The following DERA variants were observed in gnomAD, a reference collection of about 807,000 sequenced individuals.
The protein encoded by DERA is deoxyribose-phosphate aldolase.
In DERA, 15 loss-of-function variants were observed where a neutral mutation model predicts 41.1. The observed-to-expected ratio is 0.37, with a 90% confidence interval of 0.24 to 0.56. The LOEUF is 0.56. DERA is among the 20% of genes least tolerant of loss of function. DERA has a pLI of 0.81. For synonymous variants in DERA, 139 were observed against 137.4 expected (o/e 1.01, Z -0.08); for missense variants, 396 against 403.4 (o/e 0.98, Z 0.16).
chr12:15,919,415 C>T (rs1431187092), intron 1 of DERA, among the ~76,000 whole-genome samples: 1 of 152,186 alleles, frequency 6.6e-6, no homozygotes, highest in Non-Finnish European at 1.5e-5. Flanking sequence ...GCGATTTAAA[C>T]ATGTCACCAG....
chr12:16,033,581 T>TTGTA (rs1555160591), intron 7 of DERA, among the ~76,000 whole-genome samples: 1 of 127,662 alleles, frequency 7.8e-6, no homozygotes, highest in Non-Finnish European at 1.6e-5. Flanking sequence ...GAGAGCAAGG[T>TTGTA]TGTGTGTGTG....
chr12:15,956,928 T>C lies in DERA; in HGVS notation c.32-8T>C, dbSNP rs1300956245. The stretch of plus-strand genomic sequence containing the variant: ...AGGTTTCAGAAAGTGTTTTTCTGTC[T>C]GTTTTAGACCTTAGCTGGATCTCCA... On this transcript the variant is annotated splice_polypyrimidine_tract_variant and splice_region_variant and intron_variant, in intron 1 of 8. Transcript: ENST00000428559. The C allele has an allele frequency of 6.2e-7, 1 of 1,610,378 alleles. No homozygotes were observed. The highest frequency in any genetic ancestry group is 2.2e-5 in the East Asian group (1 of 44,856).
chr12:15,948,445 A>G (rs966739438), intron 1 of DERA, among the ~76,000 whole-genome samples: 2 of 152,002 alleles, frequency 1.3e-5, no homozygotes, highest in South Asian at 2.1e-4. Flanking sequence ...CATTTCATAC[A>G]TTTGATCTTG....
At chr12:16,027,814 G>A (rs1949062989) in intron 6 of DERA, among the ~76,000 whole-genome samples, 1 of 151,818 alleles carries the variant, frequency 6.6e-6, no homozygotes, top group South Asian at 2.1e-4. Flanking sequence ...TTACAAACAT[G>A]ATCGTAGAAA....
At chr12:15,963,101 C>T (rs1278744744) in intron 5 of DERA, among the ~76,000 whole-genome samples, 154 bp downstream of exon 5, 1 of 152,200 alleles carries the variant, frequency 6.6e-6, no homozygotes, top group Non-Finnish European at 1.5e-5. Context: ...TAAGATTACC[C>T]ATCCTTGTGC....
chr12:16,022,396 C>A (rs1949022427), intron 6 of DERA, among the ~76,000 whole-genome samples: 1 of 152,166 alleles, frequency 6.6e-6, no homozygotes, highest in East Asian at 1.9e-4. Flanking sequence ...AATTAAACTT[C>A]TTTTCTTTAT....
At position 16,020,351 on chromosome 12, in the gene DERA, C is replaced by T. The variant is rs1051169018; in HGVS notation, c.638-12191C>T. ...TCATATTAACTCACTATTGCGAGAACAGCACGAAAGGGGAAATCTACCCCC... is the reference window on the plus strand; with the variant it reads ...TCATATTAACTCACTATTGCGAGAATAGCACGAAAGGGGAAATCTACCCCC... On this transcript the variant is annotated intron_variant, in intron 6 of 8. Transcript: ENST00000428559. The surrounding 1 kb of genome is among the most constrained non-coding windows in gnomAD (Gnocchi z 5.5). Among the ~76,000 whole-genome samples the T allele has an allele frequency of 2.6e-5, 4 of 152,216 alleles. No homozygotes were observed. The highest frequency in any genetic ancestry group is 6.8e-3 in the Middle Eastern group (2 of 294).
Position 15,985,426 on chromosome 12 carries a change from C to G in DERA, c.637+2990C>G, listed in dbSNP as rs1325189340. 1 of 152,112 alleles carries G rather than the reference C, an allele frequency of 6.6e-6. No homozygotes were observed. Among genetic ancestry groups the G allele is most frequent in the African/African-American group, 2.4e-5 (1 of 41,422 alleles). The allele number at this position is 152,112 out of a possible 1,614,324, so 9.4% of individuals were successfully genotyped here. ...ATATCTGTGGGATCTGTAGTTATAT[C>G]TCTTTCTTTATTCTTGATATTGGTC... On this transcript the variant is annotated intron_variant, in intron 6 of 8. Coordinates refer to ENST00000428559, the MANE Select transcript of DERA (RefSeq NM_015954.4). This position sits in a 1 kb window ranked among gnomAD's most constrained non-coding sequence, Gnocchi z 4.2.
intron 7 of DERA, among the ~76,000 whole-genome samples, chr12:16,034,771 ATAAACT>A (rs1394781133): frequency 6.6e-6 from 1 of 151,758 alleles, no homozygotes; most frequent in Non-Finnish European, 1.5e-5. Flanking sequence ...AAAAAAAAAG[ATAAACT>A]TATGTTAGAA....
rs1434785925 is a variant in DERA, at chr12:16,004,880, G to A, written c.637+22444G>A. 6.6e-6 allele frequency among the ~76,000 whole-genome samples: 1 copy of A among 152,136 alleles called. No individual in the cohort carries two copies. The highest frequency in any genetic ancestry group is 1.5e-5 in the Non-Finnish European group (1 of 68,012). On this transcript the variant is annotated intron_variant, in intron 6 of 8. Transcript: ENST00000428559. This position sits in a 1 kb window ranked among gnomAD's most constrained non-coding sequence, Gnocchi z 4.2. ...ATATGTGTGTTTCCTAGTTCAAGGA[G>A]TTAGAAAACTTTTGATAATTTAATG...
intron 6 of DERA, among the ~76,000 whole-genome samples, chr12:16,007,196 T>G (rs1402550086): frequency 6.6e-6 from 1 of 150,886 alleles, no homozygotes; most frequent in Admixed American, 6.6e-5. Context: ...TTTGTTTTTT[T>G]TTTTTGAGAC....
Position 16,026,338 on chromosome 12 carries a change from G to A in DERA, c.638-6204G>A, listed in dbSNP as rs1228239973. On this transcript the variant is annotated intron_variant, in intron 6 of 8. Coordinates refer to ENST00000428559, the MANE Select transcript of DERA (RefSeq NM_015954.4). The surrounding 1 kb of genome is among the most constrained non-coding windows in gnomAD (Gnocchi z 4.4). ...AGAAAAGACATAAATTACCCATATC[G>A]GAAATGAAAGAAGGGTCATCTCCTC... Among the ~76,000 whole-genome samples, 6 of 150,808 alleles carry A rather than the reference G, an allele frequency of 4.0e-5. No individual in the cohort carries two copies. Among genetic ancestry groups the A allele is most frequent in the Non-Finnish European group, 7.4e-5 (5 of 67,712 alleles).
Position 16,019,535 on chromosome 12 carries a change from A to G in DERA, c.638-13007A>G, listed in dbSNP as rs1430208330. Among the ~76,000 whole-genome samples the G allele has an allele frequency of 6.6e-6, 1 of 152,202 alleles. No individual in the cohort carries two copies. Among genetic ancestry groups the G allele is most frequent in the Middle Eastern group, 3.2e-3 (1 of 316 alleles). On this transcript the variant is annotated intron_variant, in intron 6 of 8. Coordinates refer to ENST00000428559, the MANE Select transcript of DERA (RefSeq NM_015954.4). This position sits in a 1 kb window ranked among gnomAD's most constrained non-coding sequence, Gnocchi z 4.4. Reference sequence around the variant, plus strand: ...AACATACATTCATATATCTGTGTATATGTCCCTCCTCCCACCTCACCTCCA... The same window carrying G: ...AACATACATTCATATATCTGTGTATGTGTCCCTCCTCCCACCTCACCTCCA...
At position 15,958,249 on chromosome 12, in the gene DERA, C is replaced by G. The variant is rs778354823; in HGVS notation, c.191C>G (p.Thr64Arg). 2.5e-6 allele frequency: 4 copies of G among 1,594,562 alleles called. No individual in the cohort carries two copies. The East Asian group carries it at 9.0e-5, about 36-fold the overall frequency. Residue 64 changes from threonine to arginine, a missense_variant, in exon 3 of 9, where the codon ACA becomes AGA. Coordinates refer to ENST00000428559, the MANE Select transcript of DERA (RefSeq NM_015954.4). ...CTTACTACACTTTCAGGTGATGATACATCTTCCAACATTCAAAGGCTCTGT... is the reference window on the plus strand; with the variant it reads ...CTTACTACACTTTCAGGTGATGATAGATCTTCCAACATTCAAAGGCTCTGT... The part of the protein sequence containing the change: ...IDLTTLSGDD[T>R]SSNIQRLCYK...
At position 16,001,109 on chromosome 12, in the gene DERA, C is replaced by T. The variant is rs557749367; in HGVS notation, c.637+18673C>T. ...ATCATTTTCATTTTCTGTCCATAAA[C>T]GCATACCCAGGCAGAGCTGATACTC... On this transcript the variant is annotated intron_variant, in intron 6 of 8. Transcript: ENST00000428559. This position sits in a 1 kb window ranked among gnomAD's most constrained non-coding sequence, Gnocchi z 4.1. Among the ~76,000 whole-genome samples the T allele has an allele frequency of 2.6e-5, 4 of 152,244 alleles. No homozygotes were observed. The highest frequency in any genetic ancestry group is 2.0e-4 in the Admixed American group (3 of 15,294).
Position 15,970,521 on chromosome 12 carries a change from A to G in DERA, c.508+7574A>G, listed in dbSNP as rs1948652518. Among the ~76,000 whole-genome samples the G allele has an allele frequency of 6.6e-6, 1 of 152,160 alleles. No individual in the cohort carries two copies. The highest frequency in any genetic ancestry group is 6.5e-5 in the Admixed American group (1 of 15,272). On this transcript the variant is annotated intron_variant, in intron 5 of 8. Coordinates refer to ENST00000428559, the MANE Select transcript of DERA (RefSeq NM_015954.4). The surrounding 1 kb of genome is among the most constrained non-coding windows in gnomAD (Gnocchi z 4.3). Reference sequence around the variant, plus strand: ...TCCTTTCAGGTGGATCCTAGAGAGAAGAAAGTTAATTTTATTTATTTATTT... The same window carrying G: ...TCCTTTCAGGTGGATCCTAGAGAGAGGAAAGTTAATTTTATTTATTTATTT...
In DERA at chr12:15,936,247, C is replaced by T. The variant is rs1948363447; in HGVS notation, c.32-20689C>T. On this transcript the variant is annotated intron_variant, in intron 1 of 8. Transcript: ENST00000428559. This position sits in a 1 kb window ranked among gnomAD's most constrained non-coding sequence, Gnocchi z 4.6. ...TTTTTGAGGCTAGCTACCCGTTTCC[C>T]TTATTTGCTATGTTAATTATTTTAA... 6.6e-6 allele frequency among the ~76,000 whole-genome samples: 1 copy of T among 152,156 alleles called. No individual in the cohort carries two copies. The highest frequency in any genetic ancestry group is 2.4e-5 in the African/African-American group (1 of 41,434).
Position 15,958,211 on chromosome 12 carries a change from T to TA in DERA, c.154dup (p.Thr52AsnfsTer11). On this transcript the variant is annotated frameshift_variant, in exon 3 of 9. Transcript: ENST00000428559. LOFTEE classifies it high-confidence loss of function. ...AGGCTGCTTGGCTCCTGAAAGCTGT[T>TA]ACCTTTATAGATCTTACTACACTTT... 1 of 1,577,224 alleles carries TA rather than the reference T, an allele frequency of 6.3e-7. No individual in the cohort carries two copies. The highest frequency in any genetic ancestry group is 1.2e-5 in the South Asian group (1 of 84,398).
rs895145686 is a variant in DERA at position 16,020,822 on chromosome 12, C to T, written c.638-11720C>T. ...GTAAAGAACTTGGCTGCATTATGTT[C>T]ATGCCCTAGGGATCTGAGGAAATTT... is the stretch of plus-strand genomic sequence containing the variant. On this transcript the variant is annotated intron_variant, in intron 6 of 8. Coordinates refer to ENST00000428559, the MANE Select transcript of DERA (RefSeq NM_015954.4). The surrounding 1 kb of genome is among the most constrained non-coding windows in gnomAD (Gnocchi z 5.5). Among the ~76,000 whole-genome samples the T allele has an allele frequency of 1.6e-4, 24 of 152,290 alleles. No homozygotes were observed. The highest frequency in any genetic ancestry group is 5.8e-4 in the African/African-American group (24 of 41,550).
Sources: allele counts gnomAD v4.1 joint callset (sites outside exome capture counted in the v4.1 genomes callset), GRCh38; gene constraint gnomAD v4.1.1; non-coding constraint Gnocchi (gnomAD v3.1); transcripts MANE v1.5; gene names NCBI Gene and HGNC (gene_info 2026-07-23, HGNC 2026-07-21).